DIS3L2: variants seen among roughly 807,000 people sequenced by gnomAD.
The protein encoded by DIS3L2 is DIS3-like exonuclease 2.
DIS3L2 carries 34 observed loss-of-function variants against 97.5 expected under a neutral mutation model. The ratio of observed to expected loss-of-function variants is 0.35; its 90% confidence interval spans 0.27 to 0.46. DIS3L2 has a LOEUF of 0.46. DIS3L2 is among the 20% of genes least tolerant of loss of function. DIS3L2 has a pLI of 1.00. For missense variants in DIS3L2, 1,038 were observed against 1,146.0 expected, an observed-to-expected ratio of 0.91 and a Z score of 1.36; for synonymous variants, 435 against 445.2, an observed-to-expected ratio of 0.98 and a Z score of 0.29.
intron 8 of DIS3L2, among the ~76,000 whole-genome samples, chr2:232,145,832 G>A (rs1293211633): frequency 6.6e-6 from 1 of 152,086 alleles, no homozygotes; most frequent in Non-Finnish European, 1.5e-5. Context: ...ACCAACATGT[G>A]TTGGACACCA....
chr2:231,962,795 C>A (rs1692605964), intron 1 of DIS3L2, among the ~76,000 whole-genome samples: 1 of 152,132 alleles, frequency 6.6e-6, no homozygotes, highest in African/African-American at 2.4e-5. Context: ...TGTAAGTGTG[C>A]TCAATGTTTA....
chr2:232,334,216 G>A (rs1454954789), intron 17 of DIS3L2, among the ~76,000 whole-genome samples, 153 bp from the exon 18 acceptor site: 1 of 152,190 alleles, frequency 6.6e-6, no homozygotes, highest in African/African-American at 2.4e-5. Flanking sequence ...GGAGGGCGCT[G>A]ACCTCGAAGG....
chr2:232,015,376 T>C (rs992422146), intron 2 of DIS3L2, 138 bp from the exon 3 acceptor site: 3 of 1,158,474 alleles, frequency 2.6e-6, no homozygotes, highest in Admixed American at 5.6e-5. Flanking sequence ...CTTTTTGTTA[T>C]TGTTAAAAAT....
At position 232,118,747 on chromosome 2, in the gene DIS3L2, A is replaced by G. The variant is rs148905396; in HGVS notation, c.602-11872A>G. On this transcript the variant is annotated intron_variant, in intron 6 of 20. Coordinates refer to ENST00000325385, the MANE Select transcript of DIS3L2 (RefSeq NM_152383.5). ...CAAAAGCAGTGACTCATTCATGTCT[A>G]TGTAACCTGGCTGGAGTGGTCCATG... Among the ~76,000 whole-genome samples, 6 of 152,356 alleles carry G rather than the reference A, an allele frequency of 3.9e-5. 1 individual carries two copies. The highest frequency in any genetic ancestry group is 2.0e-4 in the Admixed American group (3 of 15,308).
intron 13 of DIS3L2, among the ~76,000 whole-genome samples, chr2:232,286,195 G>A (rs1694426607): frequency 6.6e-6 from 1 of 152,164 alleles, no homozygotes; most frequent in Non-Finnish European, 1.5e-5. Flanking sequence ...TTTCAGTCGT[G>A]AGCTTCATCT....
At chr2:231,969,618 G>A (rs1261291676) in intron 1 of DIS3L2, among the ~76,000 whole-genome samples, 1 of 152,130 alleles carries the variant, frequency 6.6e-6, no homozygotes, top group Non-Finnish European at 1.5e-5. Context: ...GCGTCCTAGA[G>A]CTTTTTAATA....
At chr2:232,025,242 A>T (rs1331377387) in intron 4 of DIS3L2, among the ~76,000 whole-genome samples, 1 of 152,024 alleles carries the variant, frequency 6.6e-6, no homozygotes, top group Admixed American at 6.6e-5. Flanking sequence ...ATTTTTTTTT[A>T]AATATTGGAA....
At chr2:232,029,945 G>A in intron 4 of DIS3L2, 34 bp from the exon 5 acceptor site, 1 of 1,496,548 alleles carries the variant, frequency 6.7e-7, no homozygotes, top group Non-Finnish European at 9.1e-7. Flanking sequence ...GTGTTTTTAA[G>A]CTCACTATTG....
At chr2:232,316,201 G>T (rs1464505235) in intron 14 of DIS3L2, among the ~76,000 whole-genome samples, 2 of 152,154 alleles carry the variant, frequency 1.3e-5, no homozygotes, top group African/African-American at 4.8e-5. Context: ...CACAGCCTTT[G>T]TTGTTCTATA....
At chr2:232,130,919 G>A (rs889338822) in intron 7 of DIS3L2, 200 bp downstream of exon 7, 4 of 716,650 alleles carry the variant, frequency 5.6e-6, no homozygotes, top group Non-Finnish European at 8.4e-6. Flanking sequence ...TGGATAAGGG[G>A]TCAAGGCCTT....
At chr2:232,098,353 T>C (rs1467830382) in intron 6 of DIS3L2, among the ~76,000 whole-genome samples, 2 of 130,328 alleles carry the variant, frequency 1.5e-5, no homozygotes, top group Admixed American at 1.6e-4. Context: ...TCGAGGTTTC[T>C]AATTTTTTTT....
At chr2:232,097,781 C>A (rs1363142633) in intron 6 of DIS3L2, among the ~76,000 whole-genome samples, 3 of 152,154 alleles carry the variant, frequency 2.0e-5, no homozygotes, top group African/African-American at 7.2e-5. Context: ...AAGACAAAGT[C>A]TTCCTTTCTT....
At chr2:231,983,934 A>G (rs1268174604) in intron 1 of DIS3L2, among the ~76,000 whole-genome samples, 3 of 151,888 alleles carry the variant, frequency 2.0e-5, no homozygotes, top group Non-Finnish European at 4.4e-5. Context: ...TAAGTGGAAC[A>G]AAGTTCTTTA....
At chr2:232,220,040 G>A (rs2106230590) in intron 10 of DIS3L2, among the ~76,000 whole-genome samples, 1 of 152,078 alleles carries the variant, frequency 6.6e-6, no homozygotes, top group South Asian at 2.1e-4. Context: ...GGGAGACCAA[G>A]ATAGGAGGCT....
chr2:232,336,792 C>T lies in DIS3L2; in HGVS notation c.*162C>T, dbSNP rs1695970921. On this transcript the variant is annotated 3_prime_UTR_variant, in exon 21 of 21. Transcript: ENST00000325385. The stretch of plus-strand genomic sequence containing the variant: ...TGCAGCTCAACTTTTAAACAAACTG[C>T]AGGGGAGAGGGTGGGGCTGGAAGGA... 1 of 1,447,666 alleles carries T rather than the reference C, an allele frequency of 6.9e-7. No individual in the cohort carries two copies. Among genetic ancestry groups the T allele is most frequent in the South Asian group, 1.4e-5 (1 of 69,576 alleles). 89.7% of individuals were successfully genotyped at this position (1,447,666 alleles called of 1,614,324 possible).
At chr2:232,319,075 C>T (rs1270565580) in intron 14 of DIS3L2, among the ~76,000 whole-genome samples, 1 of 152,196 alleles carries the variant, frequency 6.6e-6, no homozygotes, top group East Asian at 1.9e-4. Flanking sequence ...GTGTGGTCTG[C>T]TCCCACATGG....
chr2:232,321,189 G>C (rs1695420987), intron 14 of DIS3L2, among the ~76,000 whole-genome samples: 1 of 152,202 alleles, frequency 6.6e-6, no homozygotes, highest in Non-Finnish European at 1.5e-5. Context: ...GCAAAAGCCT[G>C]CGGGGGGCCA....
chr2:232,262,236 C>T (rs538982620), intron 12 of DIS3L2, among the ~76,000 whole-genome samples: 1 of 152,274 alleles, frequency 6.6e-6, no homozygotes, highest in South Asian at 2.1e-4. Flanking sequence ...CTCCAAACGG[C>T]CCAGGCCCAC....
intron 1 of DIS3L2, among the ~76,000 whole-genome samples, chr2:231,965,845 C>T (rs969956804): frequency 1.3e-5 from 2 of 152,182 alleles, no homozygotes; most frequent in African/African-American, 4.8e-5. Flanking sequence ...CCCTCTGATG[C>T]CACGTCCATG....
Sources: gnomAD v4.1 joint callset for allele counts (sites outside exome capture counted in the v4.1 genomes callset) on GRCh38, gnomAD v4.1.1 for gene constraint, MANE v1.5 for transcripts, NCBI Gene and HGNC (gene_info 2026-07-23, HGNC 2026-07-21) for gene names.